PLAU: variants seen among roughly 807,000 people sequenced by gnomAD.
The protein encoded by PLAU is plasminogen activator, urokinase, also known as urokinase-type plasminogen activator.
A neutral mutation model predicts 48.9 loss-of-function variants in PLAU; 32 were observed. That is an observed-to-expected ratio of 0.65 (90% CI 0.49 to 0.88). The LOEUF (loss-of-function observed/expected upper bound fraction) is 0.88, where lower values mean the gene tolerates loss of function less well. PLAU is among the 40% of genes least tolerant of loss of function. The pLI is 0.00. For missense variants in PLAU, 455 were observed against 545.2 expected (o/e 0.83, Z 1.65); for synonymous variants, 199 against 205.7 (o/e 0.97, Z 0.28).
At chr10:73,911,736 C>G in intron 2 of PLAU, 124 bp downstream of exon 2, 1 of 1,555,106 alleles carries the variant, frequency 6.4e-7, no homozygotes, top group Non-Finnish European at 8.7e-7. Context: ...CAGACTCTCC[C>G]CAGGAAATGG....
chr10:73,915,913 G>C (rs1162072509), intron 10 of PLAU, among the ~76,000 whole-genome samples: 3 of 152,146 alleles, frequency 2.0e-5, no homozygotes, highest in South Asian at 4.1e-4. Flanking sequence ...GGCTTTTAAA[G>C]CCAAGCAGGG....
chr10:73,915,348 C>T lies in PLAU; in HGVS notation c.1068C>T (p.Thr356=), dbSNP rs763373135. The part of the protein sequence containing the change: ...QQPHYYGSEV[T]TKMLCAADPQ... The stretch of plus-strand genomic sequence containing the variant: ...CCCACTACTACGGCTCTGAAGTCAC[C>T]ACCAAAATGCTGTGTGCTGCTGACC... Residue 356 remains threonine (T), a synonymous_variant, in exon 10 of 11, where the codon ACC becomes ACT. Coordinates refer to ENST00000372764, the MANE Select transcript of PLAU (RefSeq NM_002658.6). 1.4e-5 allele frequency: 23 copies of T among 1,613,670 alleles called. 1 individual carries two copies. The Admixed American group carries it at 3.8e-4, about 27-fold the overall frequency.
chr10:73,913,636 C>A lies in PLAU; in HGVS notation c.558C>A (p.Thr186=). 1 of 1,613,970 alleles carries A rather than the reference C, an allele frequency of 6.2e-7. No individual in the cohort carries two copies. Among genetic ancestry groups the A allele is most frequent in the Non-Finnish European group, 8.5e-7 (1 of 1,179,914 alleles). The change falls in exon 7 of 11, where the codon ACC becomes ACA. Residue 186 remains threonine (T), a synonymous_variant. Coordinates refer to ENST00000372764, the MANE Select transcript of PLAU (RefSeq NM_002658.6). ...AGATTATTGGGGGAGAATTCACCAC[C>A]ATCGAGAACCAGCCCTGGTTTGCGG... ...RFKIIGGEFT[T]IENQPWFAAI...
rs770199271 is a variant in PLAU, at chr10:73,913,344, G to A, written c.423G>A (p.Leu141=). The change falls in exon 6 of 11, where the codon CTG becomes CTA. Residue 141 remains leucine, a synonymous_variant. Coordinates refer to ENST00000372764, the MANE Select transcript of PLAU (RefSeq NM_002658.6). The part of the protein sequence containing the change: ...PWCYVQVGLK[L]LVQECMVHDC... The stretch of plus-strand genomic sequence containing the variant: ...GCTATGTGCAGGTGGGCCTAAAGCT[G>A]CTTGTCCAAGAGTGCATGGTGCATG... 9 of 1,614,006 alleles carry A rather than the reference G, an allele frequency of 5.6e-6. No homozygotes were observed. The highest frequency in any genetic ancestry group is 2.2e-5 in the East Asian group (1 of 44,894).
chr10:73,912,434 A>C (rs936296982), intron 4 of PLAU, 112 bp downstream of exon 4: 7 of 754,850 alleles, frequency 9.3e-6, no homozygotes, highest in Non-Finnish European at 1.6e-5. Context: ...TGACATCTTC[A>C]TCCCTATGTG....
In PLAU at chr10:73,913,720, C is replaced by A; in HGVS notation, c.642C>A (p.Ile214=). The A allele has an allele frequency of 6.2e-7, 1 of 1,611,254 alleles. No homozygotes were observed. Among genetic ancestry groups the A allele is most frequent in the Non-Finnish European group, 8.5e-7 (1 of 1,178,636 alleles). Residue 214 remains isoleucine, a synonymous_variant, in exon 7 of 11, where the codon ATC becomes ATA. Transcript: ENST00000372764. ...SVTYVCGGSL[I]SPCWVISATH... Reference sequence around the variant, plus strand: ...CCTACGTGTGTGGAGGCAGCCTCATCAGCCCTTGCTGGGTGATCAGCGCCA... The same window carrying A: ...CCTACGTGTGTGGAGGCAGCCTCATAAGCCCTTGCTGGGTGATCAGCGCCA...
At chr10:73,912,153 G>A (rs774324202) in intron 3 of PLAU, 62 bp from the exon 4 acceptor site, 14 of 1,612,980 alleles carry the variant, frequency 8.7e-6, no homozygotes, top group Non-Finnish European at 1.2e-5. Context: ...CTCTGCTGCA[G>A]GGCTGCGCCA....
chr10:73,916,194 G>T (rs1192081328), intron 10 of PLAU, among the ~76,000 whole-genome samples, 195 bp from the exon 11 acceptor site: 2 of 152,186 alleles, frequency 1.3e-5, no homozygotes, highest in East Asian at 1.9e-4. Flanking sequence ...AGTGAGCTGA[G>T]ATCACGTCAT....
chr10:73,909,486 T>G (rs953208498), upstream of PLAU, among the ~76,000 whole-genome samples: 3 of 152,190 alleles, frequency 2.0e-5, no homozygotes, highest in African/African-American at 7.2e-5. Context: ...CAGAAGTCTC[T>G]CCAGAAGACA....
At chr10:73,913,402 G>A (rs1297083415) in intron 6 of PLAU, 21 bp downstream of exon 6, 4 of 1,603,696 alleles carry the variant, frequency 2.5e-6, no homozygotes, top group Non-Finnish European at 3.4e-6. Context: ...CTGACCTGCT[G>A]ATGACAGTGG....
Position 73,913,210 on chromosome 10 carries a change from G to A in PLAU, c.369-80G>A, listed in dbSNP as rs570299329. 21 of 1,572,668 alleles carry A rather than the reference G, an allele frequency of 1.3e-5. No homozygotes were observed. The East Asian group carries it at 4.7e-4, about 35-fold the overall frequency. ...ATAGCACAAGAGAAGTGCGGCCTCT[G>A]GTTGAGTCTTCCCTGAGGGGAGGAG... On this transcript the variant is annotated intron_variant, in intron 5 of 10. Coordinates refer to ENST00000372764, the MANE Select transcript of PLAU (RefSeq NM_002658.6).
At chr10:73,911,440 G>C in intron 1 of PLAU, 85 bp from the exon 2 acceptor site, 2 of 1,333,976 alleles carry the variant, frequency 1.5e-6, no homozygotes, top group Non-Finnish European at 2.1e-6. Flanking sequence ...TGGTCACCGC[G>C]GGCATCTCCC....
At position 73,913,413 on chromosome 10, in the gene PLAU, G is replaced by A. The variant is rs747143309; in HGVS notation, c.460+32G>A. 23 of 1,594,788 alleles carry A rather than the reference G, an allele frequency of 1.4e-5. 2 individuals carry two copies. In the South Asian group the frequency reaches 2.4e-4, roughly 17 times the overall value. ...ATCACTGACCTGCTGATGACAGTGGGGTGGAAGGGGACAAACTTACATGTC... is the reference window on the plus strand; with the variant it reads ...ATCACTGACCTGCTGATGACAGTGGAGTGGAAGGGGACAAACTTACATGTC... On this transcript the variant is annotated intron_variant, in intron 6 of 10. Transcript: ENST00000372764.
chr10:73,912,112 G>C lies in PLAU; in HGVS notation c.85+44G>C, dbSNP rs781529480. On this transcript the variant is annotated intron_variant, in intron 3 of 10. Coordinates refer to ENST00000372764, the MANE Select transcript of PLAU (RefSeq NM_002658.6). ...AACAGTTGGCTGCACAGACAAGTTG[G>C]GAAGGCTTCAGGGGACATCCCCTCC... is the stretch of plus-strand genomic sequence containing the variant. 5.0e-6 allele frequency: 8 copies of C among 1,604,694 alleles called. No individual in the cohort carries two copies. The East Asian group carries it at 1.8e-4, about 36-fold the overall frequency.
At position 73,913,990 on chromosome 10, in the gene PLAU, A is replaced by G. The variant is rs2227567; in HGVS notation, c.691A>G (p.Lys231Glu). 2.5e-6 allele frequency: 4 copies of G among 1,613,708 alleles called. No individual in the cohort carries two copies. In the African/African-American group the frequency reaches 4.0e-5, roughly 16 times the overall value. The change falls in exon 8 of 11, where the codon AAG becomes GAG. Residue 231 changes from lysine to glutamate, a missense_variant. Physicochemically the swap from Lys to Glu is moderately conservative, Grantham distance 56 (BLOSUM62 1). Coordinates refer to ENST00000372764, the MANE Select transcript of PLAU (RefSeq NM_002658.6). ...SATHCFIDYPKKEDYIVYLGR... is the reference protein window; with the variant it reads ...SATHCFIDYPEKEDYIVYLGR... ...TATCTTCTCCCACAGTGATTACCCA[A>G]AGAAGGAGGACTACATCGTCTACCT...
chr10:73,912,874 G>T, intron 4 of PLAU, 50 bp from the exon 5 acceptor site: 3 of 1,418,136 alleles, frequency 2.1e-6, no homozygotes, highest in Non-Finnish European at 2.9e-6. Flanking sequence ...AAAGTTAGTT[G>T]GAATGTTCTT....
Position 73,916,402 on chromosome 10 carries a change from G to C in PLAU, c.1133G>C (p.Gly378Ala). The change falls in exon 11 of 11, where the codon GGA becomes GCA. Residue 378 changes from glycine (G) to alanine (A), a missense_variant. Gly to Ala is a moderately conservative substitution (Grantham distance 60). Coordinates refer to ENST00000372764, the MANE Select transcript of PLAU (RefSeq NM_002658.6). ...KTDSCQGDSG[G>A]PLVCSLQGRM... ...TTGGCGTCACAGGGAGACTCAGGGG[G>C]ACCCCTCGTCTGTTCCCTCCAAGGC... The C allele has an allele frequency of 1.2e-6, 2 of 1,613,080 alleles. No homozygotes were observed. The highest frequency in any genetic ancestry group is 1.7e-6 in the Non-Finnish European group (2 of 1,179,534).
intron 4 of PLAU, 77 bp from the exon 5 acceptor site, chr10:73,912,847 C>G: frequency 9.1e-7 from 1 of 1,099,410 alleles, no homozygotes; most frequent in Non-Finnish European, 1.3e-6. Flanking sequence ...AAGACTCCAT[C>G]TCAAAAAAAA....
Position 73,916,629 on chromosome 10 carries a change from T to A in PLAU, c.*64T>A. On this transcript the variant is annotated 3_prime_UTR_variant, in exon 11 of 11. Transcript: ENST00000372764. ...GCTGGTTGTCATTTTTGCAGTAGAGTCATCTCCATCAGCTGTAAGAAGAGA... is the reference window on the plus strand; with the variant it reads ...GCTGGTTGTCATTTTTGCAGTAGAGACATCTCCATCAGCTGTAAGAAGAGA... 1 of 1,265,876 alleles carries A rather than the reference T, an allele frequency of 7.9e-7. No individual in the cohort carries two copies. The highest frequency in any genetic ancestry group is 1.1e-6 in the Non-Finnish European group (1 of 902,932). The allele number at this position is 1,265,876 out of a possible 1,614,324, so 78.4% of individuals were successfully genotyped here. A position where few individuals can be genotyped will look rare whatever the true frequency, so the allele number is the denominator to read the frequency against.
Sources: allele counts gnomAD v4.1 joint callset (sites outside exome capture counted in the v4.1 genomes callset), GRCh38; gene constraint gnomAD v4.1.1; transcripts MANE v1.5; gene names NCBI Gene and HGNC (gene_info 2026-07-23, HGNC 2026-07-21).